RAP1GDS1: variants seen among roughly 807,000 people sequenced by gnomAD.
The protein encoded by RAP1GDS1 is Rap1 GTPase-GDP dissociation stimulator 1, also known as RAP1, GTP-GDP dissociation stimulator 1.
Under a neutral mutation model 71.1 loss-of-function variants are expected in RAP1GDS1, and 35 were observed. The ratio of observed to expected loss-of-function variants is 0.49; its 90% CI spans 0.38 to 0.65. The LOEUF (loss-of-function observed/expected upper bound fraction) is 0.65, where lower values mean the gene tolerates loss of function less well. RAP1GDS1 is among the 30% of genes least tolerant of loss of function. RAP1GDS1 has a pLI of 0.00. For synonymous variants in RAP1GDS1, 229 were observed against 243.1 expected, an observed-to-expected ratio of 0.94 and a Z score of 0.54; for missense variants, 663 against 706.1, an observed-to-expected ratio of 0.94 and a Z score of 0.69.
chr4:98,380,189 C>T (rs549571137), intron 5 of RAP1GDS1, among the ~76,000 whole-genome samples: 2 of 151,624 alleles, frequency 1.3e-5, no homozygotes, highest in African/African-American at 4.8e-5. Context: ...TTGAAGAGCC[C>T]TTGTCCTATT....
intron 1 of RAP1GDS1, among the ~76,000 whole-genome samples, chr4:98,263,292 TGAGCCTTAAA>T (rs1265793108): frequency 6.6e-6 from 1 of 152,240 alleles, no homozygotes; most frequent in Non-Finnish European, 1.5e-5. Flanking sequence ...TGTTTCCAGG[TGAGCCTTAAA>T]CAATCCATTT....
At chr4:98,378,966 A>C in intron 4 of RAP1GDS1, 51 bp from the exon 5 acceptor site, 1 of 1,432,356 alleles carries the variant, frequency 7.0e-7, no homozygotes, top group Non-Finnish European at 9.4e-7. Flanking sequence ...TTGAAATTGT[A>C]AGGTACATTT....
intron 2 of RAP1GDS1, among the ~76,000 whole-genome samples, chr4:98,294,859 A>G (rs1023057122): frequency 2.0e-5 from 3 of 152,150 alleles, no homozygotes; most frequent in African/African-American, 7.2e-5. Context: ...TTTACACAGT[A>G]ACATAATTAA....
At chr4:98,382,595 A>T (rs1051624467) in intron 5 of RAP1GDS1, among the ~76,000 whole-genome samples, 1 of 151,544 alleles carries the variant, frequency 6.6e-6, no homozygotes, top group Non-Finnish European at 1.5e-5. Flanking sequence ...TTAGTTTGTT[A>T]TCTGTTTCCT....
chr4:98,323,088 A>T (rs533475399), intron 2 of RAP1GDS1, among the ~76,000 whole-genome samples: 2 of 151,508 alleles, frequency 1.3e-5, no homozygotes, highest in Non-Finnish European at 2.9e-5. Context: ...GATAAAGGGG[A>T]TATCACCACC....
intron 1 of RAP1GDS1, among the ~76,000 whole-genome samples, chr4:98,270,733 T>C (rs1723332014): frequency 6.6e-6 from 1 of 151,326 alleles, no homozygotes; most frequent in Admixed American, 6.6e-5. Context: ...TTTTTTTTTT[T>C]CAATAAAAGC....
At chr4:98,343,040 A>T in intron 2 of RAP1GDS1, 99 bp from the exon 3 acceptor site, 1 of 1,285,348 alleles carries the variant, frequency 7.8e-7, no homozygotes. Context: ...AATTTCTATT[A>T]TGGGTGGGAA....
At chr4:98,413,292 C>T (rs1747360880) in intron 7 of RAP1GDS1, among the ~76,000 whole-genome samples, 2 of 151,650 alleles carry the variant, frequency 1.3e-5, no homozygotes, top group South Asian at 4.2e-4. Context: ...CATATGTATA[C>T]ATGTGCCATG....
chr4:98,431,473 GT>G (rs1246251889), intron 12 of RAP1GDS1, among the ~76,000 whole-genome samples: 5 of 152,176 alleles, frequency 3.3e-5, no homozygotes, highest in African/African-American at 7.2e-5. Flanking sequence ...ATTTGCCTTG[GT>G]TTTATATATA....
intron 2 of RAP1GDS1, among the ~76,000 whole-genome samples, chr4:98,304,512 T>C (rs1277676399): frequency 6.6e-6 from 1 of 152,240 alleles, no homozygotes; most frequent in Non-Finnish European, 1.5e-5. Context: ...AAGTATATGT[T>C]CATGTCCTTT....
At chr4:98,437,946 G>A (rs184841693) in intron 14 of RAP1GDS1, among the ~76,000 whole-genome samples, 2 of 152,178 alleles carry the variant, frequency 1.3e-5, no homozygotes, top group East Asian at 1.9e-4. Flanking sequence ...GATTCTGTTG[G>A]TACTAGTGTC....
intron 7 of RAP1GDS1, among the ~76,000 whole-genome samples, chr4:98,416,336 T>TG (rs1747992107): frequency 1.1e-5 from 1 of 90,128 alleles, no homozygotes; most frequent in South Asian, 4.3e-4. Context: ...TTTTCTTAGT[T>TG]TTTTTTTTTT....
At chr4:98,326,190 T>A (rs73834430) in intron 2 of RAP1GDS1, among the ~76,000 whole-genome samples, 1 of 152,204 alleles carries the variant, frequency 6.6e-6, no homozygotes, top group Non-Finnish European at 1.5e-5. Flanking sequence ...TCCAAACATA[T>A]GCTTTTTAAA....
Position 98,409,903 on chromosome 4 carries a change from C to T in RAP1GDS1, c.763+5301C>T, listed in dbSNP as rs566428821. ...GTAAGCTAGGAGAATATCATCATGG[C>T]CTTGAAATACTTTTCTTAGATCACA... On this transcript the variant is annotated intron_variant, in intron 7 of 14. Coordinates refer to ENST00000408927, the MANE Select transcript of RAP1GDS1 (RefSeq NM_001100427.2). The T allele has an allele frequency of 2.5e-5, 4 of 161,618 alleles. No individual in the cohort carries two copies. In the Admixed American group the frequency reaches 2.6e-4, roughly 10 times the overall value. 10.0% of individuals were successfully genotyped at this position (161,618 alleles called of 1,614,324 possible). A position where few individuals can be genotyped will look rare whatever the true frequency, so the allele number is the denominator to read the frequency against.
chr4:98,348,051 G>A (rs1048644592), intron 3 of RAP1GDS1, among the ~76,000 whole-genome samples: 1 of 152,042 alleles, frequency 6.6e-6, no homozygotes, highest in Non-Finnish European at 1.5e-5. Flanking sequence ...GTGCCATGTT[G>A]GTGTGCTGCA....
chr4:98,323,122 C>T (rs1482679775), intron 2 of RAP1GDS1, among the ~76,000 whole-genome samples: 3,287 of 148,974 alleles, frequency 0.022, 59 homozygotes, highest in African/African-American at 0.055. Flanking sequence ...TACAAACTAC[C>T]ATCAGAGAAT....
At chr4:98,332,351 A>C (rs1319160642) in intron 2 of RAP1GDS1, among the ~76,000 whole-genome samples, 1 of 152,236 alleles carries the variant, frequency 6.6e-6, no homozygotes, top group Non-Finnish European at 1.5e-5. Flanking sequence ...ACAAGAGTGC[A>C]GAATCAAGTT....
At chr4:98,441,539 T>G (rs1405998472) in intron 14 of RAP1GDS1, 3 of 983,214 alleles carry the variant, frequency 3.1e-6, no homozygotes, top group African/African-American at 1.7e-5. Context: ...CAGTGAGCTG[T>G]GTTTAATTAT....
chr4:98,335,334 A>T (rs551943725), intron 2 of RAP1GDS1, among the ~76,000 whole-genome samples: 1 of 152,240 alleles, frequency 6.6e-6, no homozygotes, highest in South Asian at 2.1e-4. Context: ...TGCTGGGCAG[A>T]TGTCCTCACT....
Sources: allele counts gnomAD v4.1 joint callset (sites outside exome capture counted in the v4.1 genomes callset), GRCh38; gene constraint gnomAD v4.1.1; transcripts MANE v1.5; gene names NCBI Gene and HGNC (gene_info 2026-07-23, HGNC 2026-07-21).